MACROD2: variants seen among roughly 807,000 people sequenced by gnomAD.
MACROD2 encodes ADP-ribose glycohydrolase MACROD2.
MACROD2 carries 36 observed loss-of-function variants against 70.4 expected under a neutral mutation model. That is an observed-to-expected ratio of 0.51 (90% CI 0.39 to 0.68). The LOEUF (loss-of-function observed/expected upper bound fraction) is 0.68. MACROD2 is among the 30% of genes least tolerant of loss of function. MACROD2 has a pLI of 0.00. For missense variants in MACROD2, 496 were observed against 538.4 expected (o/e 0.92, Z 0.78); for synonymous variants, 172 against 178.8 (o/e 0.96, Z 0.30).
At chr20:14,067,091 G>GT (rs1251997006) in intron 2 of MACROD2, among the ~76,000 whole-genome samples, 1 of 145,166 alleles carries the variant, frequency 6.9e-6, no homozygotes, top group East Asian at 2.1e-4. Flanking sequence ...GATTACAGGC[G>GT]TGAGCTACTG....
intron 5 of MACROD2, among the ~76,000 whole-genome samples, chr20:14,789,460 A>ATTCTTTTTTTTTTTTT (rs1555830595): frequency 2.1e-5 from 1 of 48,326 alleles, no homozygotes; most frequent in African/African-American, 8.6e-5. Flanking sequence ...GGTAGTGCAA[A>ATTCTTTTTTTTTTTTT]TTTTTTTTTT....
At chr20:15,530,617 A>G (rs1393981121) in intron 8 of MACROD2, among the ~76,000 whole-genome samples, 1 of 151,250 alleles carries the variant, frequency 6.6e-6, no homozygotes, top group African/African-American at 2.4e-5. Context: ...CTGTAGTCCC[A>G]GCTACTCAGG....
chr20:15,832,622 T>A (rs1162084218), intron 8 of MACROD2, among the ~76,000 whole-genome samples: 3 of 152,244 alleles, frequency 2.0e-5, no homozygotes, highest in African/African-American at 4.8e-5. Flanking sequence ...GCCAGGCTTC[T>A]GTCAGTTATT....
chr20:15,455,198 C>T lies in MACROD2; in HGVS notation c.571+23763C>T, dbSNP rs77263923. ...GTGCAGGCAGTAGAGAAGTATTTCA[C>T]CTGTCACCAATGGGCCCATTTAACA... On this transcript the variant is annotated intron_variant, in intron 7 of 17. Coordinates refer to ENST00000684519, the MANE Select transcript of MACROD2 (RefSeq NM_001351661.2). Among the ~76,000 whole-genome samples, 190 of 152,276 alleles carry T rather than the reference C, an allele frequency of 1.2e-3. 1 individual carries two copies. The highest frequency in any genetic ancestry group is 4.5e-3 in the African/African-American group (186 of 41,576).
intron 5 of MACROD2, among the ~76,000 whole-genome samples, chr20:15,186,811 C>T (rs2076537560): frequency 6.6e-6 from 1 of 152,184 alleles, no homozygotes; most frequent in South Asian, 2.1e-4. Context: ...TTGTGTCACA[C>T]TCCACTTGCG....
At chr20:14,927,701 T>C (rs1207360732) in intron 5 of MACROD2, among the ~76,000 whole-genome samples, 4 of 152,202 alleles carry the variant, frequency 2.6e-5, no homozygotes, top group African/African-American at 9.6e-5. Flanking sequence ...GGTGTTGGAA[T>C]AGATGCTGGT....
chr20:14,578,456 C>T (rs1055726999), intron 4 of MACROD2, among the ~76,000 whole-genome samples: 2 of 152,042 alleles, frequency 1.3e-5, no homozygotes, highest in African/African-American at 4.8e-5. Flanking sequence ...TTTTTGACTG[C>T]CTCTCAGATA....
intron 5 of MACROD2, among the ~76,000 whole-genome samples, chr20:14,819,383 GAAAAAA>G (rs142838363): frequency 4.8e-5 from 5 of 103,224 alleles, no homozygotes; most frequent in Non-Finnish European, 9.0e-5. Context: ...GTATTGATAA[GAAAAAA>G]AAAAAAAAAA....
chr20:16,042,008 A>G (rs2067314289), intron 16 of MACROD2, among the ~76,000 whole-genome samples: 1 of 152,056 alleles, frequency 6.6e-6, no homozygotes, highest in South Asian at 2.1e-4. Flanking sequence ...GTGGTCAGTC[A>G]TTTAAGTATC....
chr20:15,973,438 GA>G (rs1156810731), intron 13 of MACROD2, among the ~76,000 whole-genome samples: 5 of 152,024 alleles, frequency 3.3e-5, no homozygotes, highest in African/African-American at 1.2e-4. Context: ...TTACCTTTCA[GA>G]ATATCTCTGA....
intron 3 of MACROD2, among the ~76,000 whole-genome samples, chr20:14,383,623 C>T (rs987864413): frequency 4.6e-5 from 7 of 152,048 alleles, no homozygotes; most frequent in African/African-American, 1.2e-4. Context: ...AATCAGTTTG[C>T]CTGATTTATC....
intron 16 of MACROD2, among the ~76,000 whole-genome samples, chr20:16,041,688 G>A (rs909417556): frequency 9.9e-5 from 15 of 151,986 alleles, no homozygotes; most frequent in Non-Finnish European, 1.5e-4. Flanking sequence ...GGCTAAGATT[G>A]TTCTTGTACC....
At chr20:15,987,227 C>T in intron 15 of MACROD2, 69 bp downstream of exon 15, 1 of 1,266,968 alleles carries the variant, frequency 7.9e-7, no homozygotes, top group Non-Finnish European at 1.1e-6. Flanking sequence ...AGAATTCAAC[C>T]ATCAAAGTTA....
In MACROD2 at chr20:15,194,504, A is replaced by G. The variant is rs1006827320; in HGVS notation, c.419-35436A>G. ...TAAAAATAACGCAAACAATTCTAGT[A>G]CACCCTTCACTGATTTCTCAGTGAA... is the stretch of plus-strand genomic sequence containing the variant. On this transcript the variant is annotated intron_variant, in intron 5 of 17. Coordinates refer to ENST00000684519, the MANE Select transcript of MACROD2 (RefSeq NM_001351661.2). Among the ~76,000 whole-genome samples the G allele has an allele frequency of 2.0e-5, 3 of 152,186 alleles. 1 individual carries two copies. The highest frequency in any genetic ancestry group is 3.4e-3 in the Middle Eastern group (1 of 294).
intron 5 of MACROD2, among the ~76,000 whole-genome samples, chr20:15,075,717 C>T (rs529055754): frequency 2.4e-4 from 36 of 152,174 alleles, no homozygotes; most frequent in African/African-American, 8.4e-4. Flanking sequence ...TGATTTAAAC[C>T]TGCCCAGTTC....
chr20:14,252,258 G>A (rs980893936), intron 3 of MACROD2, among the ~76,000 whole-genome samples: 1 of 151,924 alleles, frequency 6.6e-6, no homozygotes, highest in African/African-American at 2.4e-5. Context: ...TATTGTGAGT[G>A]GGTGATGTGA....
intron 6 of MACROD2, among the ~76,000 whole-genome samples, chr20:15,371,914 TA>T: frequency 6.6e-6 from 1 of 152,334 alleles, no homozygotes; most frequent in African/African-American, 2.4e-5. Flanking sequence ...ACGCTTTCAC[TA>T]CATATGTAGA....
chr20:14,170,371 C>T (rs2081210025), intron 3 of MACROD2, among the ~76,000 whole-genome samples: 1 of 152,122 alleles, frequency 6.6e-6, no homozygotes, highest in African/African-American at 2.4e-5. Flanking sequence ...GCTAGGACTT[C>T]CAGTACTATG....
intron 6 of MACROD2, among the ~76,000 whole-genome samples, chr20:15,280,233 G>T (rs1245122793): frequency 6.6e-6 from 1 of 152,132 alleles, no homozygotes; most frequent in Admixed American, 6.5e-5. Flanking sequence ...ATTTGTTTCA[G>T]CACTGCGTGG....
Sources: allele counts gnomAD v4.1 joint callset (sites outside exome capture counted in the v4.1 genomes callset), GRCh38; gene constraint gnomAD v4.1.1; transcripts MANE v1.5; gene names NCBI Gene and HGNC (gene_info 2026-07-23, HGNC 2026-07-21).